The following PRDM16 variants were observed in gnomAD, a reference collection of about 807,000 sequenced individuals.
The protein encoded by PRDM16 is PR/SET domain 16.
In PRDM16, 23 loss-of-function variants were observed where a neutral mutation model predicts 110.6. That is an observed-to-expected ratio of 0.21 (90% confidence interval 0.15 to 0.29). The LOEUF is 0.29. Ranked by LOEUF, PRDM16 falls within the 10% of genes least tolerant of loss-of-function variation. The pLI is 1.00. For missense variants in PRDM16, 1,615 were observed against 1,794.3 expected (o/e 0.90, Z 1.81); for synonymous variants, 799 against 781.8 (o/e 1.02, Z -0.37).
rs754633358 is a variant in PRDM16 at position 3,140,891 on chromosome 1, C to T, written c.38-45234C>T. On this transcript the variant is annotated intron_variant, in intron 1 of 16. Coordinates refer to ENST00000270722, the MANE Select transcript of PRDM16 (RefSeq NM_022114.4). ...CCCGCAGAAGAAAAGCCGGAGCTGGCGTGGGTGCCCCTGGAGAAGCAGGCG... is the reference window on the plus strand; with the variant it reads ...CCCGCAGAAGAAAAGCCGGAGCTGGTGTGGGTGCCCCTGGAGAAGCAGGCG... 3.9e-5 allele frequency among the ~76,000 whole-genome samples: 6 copies of T among 152,348 alleles called. No individual in the cohort carries two copies. The East Asian group carries it at 5.8e-4, about 15-fold the overall frequency.
intron 12 of PRDM16, among the ~76,000 whole-genome samples, chr1:3,419,756 G>A (rs970630216): frequency 5.3e-4 from 81 of 152,086 alleles, no homozygotes; most frequent in African/African-American, 1.9e-3. Flanking sequence ...TGGGGAAGGA[G>A]ACCAGCTGAG....
chr1:3,202,292 G>T (rs1228784018), intron 2 of PRDM16, among the ~76,000 whole-genome samples: 1 of 150,810 alleles, frequency 6.6e-6, no homozygotes, highest in African/African-American at 2.4e-5. Context: ...AGACTGGAGG[G>T]CCTCCTGCTT....
At chr1:3,432,425 C>CTGTGAGCAG (rs1048222808) in intron 16 of PRDM16, among the ~76,000 whole-genome samples, 6 of 152,218 alleles carry the variant, frequency 3.9e-5, no homozygotes, top group African/African-American at 1.4e-4. Flanking sequence ...TGGGAAAGGT[C>CTGTGAGCAG]TGTGAGCAGG....
In PRDM16 at chr1:3,106,094, T is replaced by C. The variant is rs533547897; in HGVS notation, c.37+36798T>C. Among the ~76,000 whole-genome samples the C allele has an allele frequency of 7.3e-4, 108 of 147,588 alleles. 1 individual carries two copies. The highest frequency in any genetic ancestry group is 2.4e-3 in the African/African-American group (100 of 40,832). On this transcript the variant is annotated intron_variant, in intron 1 of 16. Transcript: ENST00000270722. ...GCTGGGGCCCGTCTCACCCTCGGCC[T>C]CAAAGGATGCCAGCCCAGCTCCCCA...
intron 2 of PRDM16, among the ~76,000 whole-genome samples, chr1:3,218,003 G>A (rs1482148694): frequency 6.6e-6 from 1 of 152,238 alleles, no homozygotes; most frequent in Non-Finnish European, 1.5e-5. Flanking sequence ...GAGGACACCG[G>A]AGCAATAAAT....
chr1:3,314,564 GC>G (rs1474477122), intron 3 of PRDM16, among the ~76,000 whole-genome samples: 5 of 152,068 alleles, frequency 3.3e-5, no homozygotes, highest in South Asian at 2.1e-4. Flanking sequence ...ATGTGTGTGA[GC>G]GTTCTCTCTC....
intron 1 of PRDM16, among the ~76,000 whole-genome samples, chr1:3,160,209 C>T (rs112543143): frequency 1.1e-3 from 167 of 152,290 alleles, no homozygotes; most frequent in African/African-American, 3.9e-3. Flanking sequence ...CCGGTGAGGC[C>T]GCGGTTCCTG....
chr1:3,314,166 C>T (rs1557601056), intron 3 of PRDM16, among the ~76,000 whole-genome samples: 2 of 150,244 alleles, frequency 1.3e-5, no homozygotes, highest in Admixed American at 1.3e-4. Flanking sequence ...GTCCTGAGTG[C>T]AGGGTTTCCA....
intron 3 of PRDM16, among the ~76,000 whole-genome samples, chr1:3,270,572 GGAGGAGGACAGTCGA>G (rs1167910010): frequency 5.9e-5 from 9 of 151,352 alleles, no homozygotes; most frequent in East Asian, 2.0e-4. Context: ...GCATAGTCCT[GGAGGAGGACAGTCGA>G]GAGGAGGACA....
At chr1:3,254,604 A>C (rs1458764838) in intron 3 of PRDM16, among the ~76,000 whole-genome samples, 3 of 152,212 alleles carry the variant, frequency 2.0e-5, no homozygotes, top group Admixed American at 6.5e-5. Flanking sequence ...TACAAGGGAC[A>C]TGAAGGACCT....
chr1:3,429,741 T>A (rs1477738621), intron 14 of PRDM16, among the ~76,000 whole-genome samples: 1 of 152,154 alleles, frequency 6.6e-6, no homozygotes, highest in Non-Finnish European at 1.5e-5. Flanking sequence ...TGAAACCTGG[T>A]GAGGTTCTGT....
At chr1:3,106,271 G>T (rs1642650209) in intron 1 of PRDM16, among the ~76,000 whole-genome samples, 1 of 152,234 alleles carries the variant, frequency 6.6e-6, no homozygotes. Flanking sequence ...TGCGATGGGG[G>T]TGTCCAACCT....
intron 1 of PRDM16, among the ~76,000 whole-genome samples, chr1:3,123,162 C>T (rs1643132025): frequency 6.6e-6 from 1 of 152,202 alleles, no homozygotes; most frequent in Non-Finnish European, 1.5e-5. Context: ...AAGCCTTCGG[C>T]GCTCCCCTCT....
At chr1:3,222,664 G>A (rs2817149) in intron 2 of PRDM16, among the ~76,000 whole-genome samples, 17,748 of 152,252 alleles carry the variant, frequency 0.12, 2,572 homozygotes, top group African/African-American at 0.34. Context: ...ACACCCCAAC[G>A]TGAGACTCTG....
In PRDM16 at chr1:3,209,119, G is replaced by A. The variant is rs200317813; in HGVS notation, c.387+22645G>A. ...TGCCAACCTAAACCTGGGGCAGGGT[G>A]GACAGCAGGTGGCTTTGAATATCCT... On this transcript the variant is annotated intron_variant, in intron 2 of 16. Coordinates refer to ENST00000270722, the MANE Select transcript of PRDM16 (RefSeq NM_022114.4). This position sits in a 1 kb window ranked among gnomAD's most constrained non-coding sequence, Gnocchi z 4.6. 5.3e-5 allele frequency among the ~76,000 whole-genome samples: 8 copies of A among 152,274 alleles called. No individual in the cohort carries two copies. In the East Asian group the frequency reaches 1.5e-3, roughly 29 times the overall value.
chr1:3,204,486 C>G (rs1638707314), intron 2 of PRDM16, among the ~76,000 whole-genome samples: 1 of 152,270 alleles, frequency 6.6e-6, no homozygotes, highest in Admixed American at 6.5e-5. Flanking sequence ...CCTGGAAGAG[C>G]AGAGGCCACC....
chr1:3,398,794 G>A (rs970898124), intron 5 of PRDM16, among the ~76,000 whole-genome samples: 7 of 152,232 alleles, frequency 4.6e-5, no homozygotes, highest in Non-Finnish European at 7.3e-5. Flanking sequence ...ATGCTGTACC[G>A]CGGCCCACGC....
chr1:3,307,485 T>A (rs1422663739), intron 3 of PRDM16: 1 of 152,184 alleles, frequency 6.6e-6, no homozygotes, highest in African/African-American at 2.4e-5. Flanking sequence ...AGGGAGAAAA[T>A]TCAAAATTAA....
rs1049386696 is a variant in PRDM16, at chr1:3,169,826, G to A, written c.38-16299G>A. On this transcript the variant is annotated intron_variant, in intron 1 of 16. Transcript: ENST00000270722. ...CCTCGGGCCCTCTCCCCTGGCTGCC[G>A]TGTCCATGGGCCACGCTCGGGTCAG... 1.4e-4 allele frequency among the ~76,000 whole-genome samples: 21 copies of A among 152,180 alleles called. 1 individual carries two copies. The highest frequency in any genetic ancestry group is 2.1e-4 in the South Asian group (1 of 4,834).
Sources: gnomAD v4.1 joint callset for allele counts (sites outside exome capture counted in the v4.1 genomes callset) on GRCh38, gnomAD v4.1.1 for gene constraint, Gnocchi (gnomAD v3.1) non-coding constraint, MANE v1.5 for transcripts, NCBI Gene and HGNC (gene_info 2026-07-23, HGNC 2026-07-21) for gene names.